The following CAMSAP1 variants were observed in gnomAD, a reference collection of about 807,000 sequenced individuals.
The protein encoded by CAMSAP1 is calmodulin-regulated spectrin-associated protein 1.
A neutral mutation model predicts 143.5 loss-of-function variants in CAMSAP1; 58 were observed. The observed-to-expected ratio is 0.40, with a 90% CI of 0.33 to 0.50. The LOEUF (loss-of-function observed/expected upper bound fraction) is 0.50. Among genes scored for constraint, CAMSAP1 ranks in the 20% least tolerant of loss-of-function variants. The pLI is 0.45. For synonymous variants in CAMSAP1, 945 were observed against 859.3 expected (o/e 1.10, Z -1.74); for missense variants, 1,969 against 2,115.7 (o/e 0.93, Z 1.36).
At position 135,885,488 on chromosome 9, in the gene CAMSAP1, C is replaced by T. The variant is rs77145293; in HGVS notation, c.161-2410G>A. 3.3e-5 allele frequency among the ~76,000 whole-genome samples: 5 copies of T among 152,030 alleles called. No individual in the cohort carries two copies. The East Asian group carries it at 5.8e-4, about 18-fold the overall frequency. On this transcript the variant is annotated intron_variant, in intron 1 of 16. Transcript: ENST00000389532. Reference sequence around the variant, plus strand: ...TGATGGCTCTGTGCAGAGTGGGAGACGGGACAGGCACGTAAGTGGAGGGCT... The same window carrying T: ...TGATGGCTCTGTGCAGAGTGGGAGATGGGACAGGCACGTAAGTGGAGGGCT...
chr9:135,852,970 G>A (rs987171386), intron 5 of CAMSAP1, among the ~76,000 whole-genome samples: 1 of 152,200 alleles, frequency 6.6e-6, no homozygotes, highest in Non-Finnish European at 1.5e-5. Context: ...TCCACACGTG[G>A]AGAGACCAGC....
chr9:135,890,613 C>T (rs376255090), intron 1 of CAMSAP1, among the ~76,000 whole-genome samples: 3 of 152,274 alleles, frequency 2.0e-5, no homozygotes, highest in East Asian at 1.9e-4. Flanking sequence ...CAGGAGCAAA[C>T]GTGAAGCAGC....
chr9:135,860,597 C>CAA (rs35415924), intron 5 of CAMSAP1, among the ~76,000 whole-genome samples: 646 of 61,184 alleles, frequency 0.011, 3 homozygotes, highest in African/African-American at 0.013. Context: ...GACTCTGCCT[C>CAA]AAAAAAAAAA....
chr9:135,872,653 T>C (rs570587527), intron 3 of CAMSAP1, among the ~76,000 whole-genome samples: 1 of 152,230 alleles, frequency 6.6e-6, no homozygotes, highest in South Asian at 2.1e-4. Flanking sequence ...GGTTAAAAGT[T>C]AAAGGAATGA....
In CAMSAP1 at chr9:135,882,762, G is replaced by C; in HGVS notation, c.423+54C>G. 3 of 1,518,602 alleles carry C rather than the reference G, an allele frequency of 2.0e-6. No individual in the cohort carries two copies. The allele number at this position is 1,518,602 out of a possible 1,614,324, so 94.1% of individuals were successfully genotyped here. A position where few individuals can be genotyped will look rare whatever the true frequency, so the allele number is the denominator to read the frequency against. On this transcript the variant is annotated intron_variant, in intron 2 of 16. Coordinates refer to ENST00000389532, the MANE Select transcript of CAMSAP1 (RefSeq NM_015447.4). The surrounding 1 kb of genome is among the most constrained non-coding windows in gnomAD (Gnocchi z 4.9). ...TCCATGCACCAGGTGCGCCACACGA[G>C]AGCCCACGGCTCCAGAGGATGGCCC...
intron 1 of CAMSAP1, among the ~76,000 whole-genome samples, chr9:135,894,040 C>T (rs1026820251): frequency 6.6e-6 from 1 of 152,158 alleles, no homozygotes; most frequent in Admixed American, 6.5e-5. Flanking sequence ...TGCTTCCTGA[C>T]TCCCTGCCTA....
rs1374715265 is a variant in CAMSAP1, at chr9:135,810,396, G to A, written c.*913C>T. On this transcript the variant is annotated 3_prime_UTR_variant, in exon 17 of 17. Coordinates refer to ENST00000389532, the MANE Select transcript of CAMSAP1 (RefSeq NM_015447.4). ...GTCAGCTTAAGTGCATCACCTTTTG[G>A]GACAAACATGCTCAGAATGAAAAAT... 1.3e-5 allele frequency: 2 copies of A among 152,120 alleles called. No homozygotes were observed. The highest frequency in any genetic ancestry group is 3.8e-4 in the East Asian group (2 of 5,198). The allele number at this position is 152,120 out of a possible 1,614,324, so 9.4% of individuals were successfully genotyped here.
intron 3 of CAMSAP1, among the ~76,000 whole-genome samples, chr9:135,879,549 C>T (rs768185021): frequency 1.3e-5 from 2 of 151,918 alleles, no homozygotes; most frequent in African/African-American, 2.4e-5. Context: ...CTATTTTTCA[C>T]CTTTCAAATG....
intron 7 of CAMSAP1, among the ~76,000 whole-genome samples, chr9:135,828,371 C>A (rs1321797863): frequency 1.3e-5 from 2 of 152,134 alleles, no homozygotes; most frequent in African/African-American, 4.8e-5. Context: ...GAGCGGGTGG[C>A]GGCTGCACTG....
chr9:135,860,597 CAAAAAAA>C (rs35415924), intron 5 of CAMSAP1, among the ~76,000 whole-genome samples: 1 of 62,046 alleles, frequency 1.6e-5, no homozygotes, highest in East Asian at 4.6e-4. Context: ...GACTCTGCCT[CAAAAAAA>C]AAAAAAAAAA....
chr9:135,882,260 G>C lies in CAMSAP1; in HGVS notation c.424-466C>G, dbSNP rs1274340508. Reference sequence around the variant, plus strand: ...CTTAGTGCAGCTTCCTCATTCGACAGGAATGACACTCTCTTCAACCACCGC... The same window carrying C: ...CTTAGTGCAGCTTCCTCATTCGACACGAATGACACTCTCTTCAACCACCGC... On this transcript the variant is annotated intron_variant, in intron 2 of 16. Transcript: ENST00000389532. The surrounding 1 kb of genome is among the most constrained non-coding windows in gnomAD (Gnocchi z 4.9). Among the ~76,000 whole-genome samples the C allele has an allele frequency of 3.3e-5, 5 of 152,116 alleles. No individual in the cohort carries two copies. Among genetic ancestry groups the C allele is most frequent in the Admixed American group, 6.5e-5 (1 of 15,276 alleles).
intron 10 of CAMSAP1, among the ~76,000 whole-genome samples, chr9:135,823,622 C>G (rs893701302): frequency 6.6e-6 from 1 of 152,186 alleles, no homozygotes; most frequent in African/African-American, 2.4e-5. Flanking sequence ...TGACTATATT[C>G]GCCAGAACGG....
chr9:135,839,899 T>A (rs889790688), intron 7 of CAMSAP1, among the ~76,000 whole-genome samples: 1 of 151,908 alleles, frequency 6.6e-6, no homozygotes, highest in Non-Finnish European at 1.5e-5. Context: ...CAACTGGGAA[T>A]GCAGACAAAC....
intron 7 of CAMSAP1, among the ~76,000 whole-genome samples, chr9:135,844,637 GA>G (rs1223921332): frequency 1.3e-5 from 2 of 152,014 alleles, no homozygotes; most frequent in Non-Finnish European, 2.9e-5. Flanking sequence ...TAATAAAGAA[GA>G]AAAGAGAGAA....
At chr9:135,855,241 C>T (rs1217412805) in intron 5 of CAMSAP1, among the ~76,000 whole-genome samples, 1 of 152,124 alleles carries the variant, frequency 6.6e-6, no homozygotes, top group Non-Finnish European at 1.5e-5. Context: ...ATCCACCCAC[C>T]TTGGCCTCCC....
intron 5 of CAMSAP1, 100 bp downstream of exon 5, chr9:135,862,363 TTTTC>T (rs1416849318): frequency 6.2e-6 from 8 of 1,297,142 alleles, no homozygotes; most frequent in Middle Eastern, 4.8e-4. Flanking sequence ...AAGGATTCCA[TTTTC>T]TTTCTCTTTT....
chr9:135,832,030 C>T (rs1835876900), intron 7 of CAMSAP1, among the ~76,000 whole-genome samples: 1 of 152,064 alleles, frequency 6.6e-6, no homozygotes, highest in South Asian at 2.1e-4. Flanking sequence ...TTAAATCCTT[C>T]CAAAAAACAG....
intron 7 of CAMSAP1, among the ~76,000 whole-genome samples, chr9:135,848,382 T>TA (rs1836652384): frequency 3.3e-5 from 5 of 152,046 alleles, no homozygotes; most frequent in Admixed American, 3.3e-4. Flanking sequence ...AAAACGTACA[T>TA]AGAGCTTGAC....
chr9:135,862,710 C>A lies in CAMSAP1; in HGVS notation c.667-102G>T, dbSNP rs1168156495. The A allele has an allele frequency of 2.5e-6, 3 of 1,199,276 alleles. No individual in the cohort carries two copies. In the East Asian group the frequency reaches 7.7e-5, roughly 31 times the overall value. 74.3% of individuals were successfully genotyped at this position (1,199,276 alleles called of 1,614,324 possible). Reference sequence around the variant, plus strand: ...GATCGAGAATTAACATAACGCCTAACAGACAACATGGAGAACAATTGCAAT... The same window carrying A: ...GATCGAGAATTAACATAACGCCTAAAAGACAACATGGAGAACAATTGCAAT... On this transcript the variant is annotated intron_variant, in intron 4 of 16. Coordinates refer to ENST00000389532, the MANE Select transcript of CAMSAP1 (RefSeq NM_015447.4).
Sources: gnomAD v4.1 joint callset for allele counts (sites outside exome capture counted in the v4.1 genomes callset) on GRCh38, gnomAD v4.1.1 for gene constraint, Gnocchi (gnomAD v3.1) non-coding constraint, MANE v1.5 for transcripts, NCBI Gene and HGNC (gene_info 2026-07-23, HGNC 2026-07-21) for gene names.